NAV2: variants seen among roughly 807,000 people sequenced by gnomAD.
The protein encoded by NAV2 is helicase, APC down-regulated 1.
Under a neutral mutation model 223.2 loss-of-function variants are expected in NAV2, and 54 were observed. That is an observed-to-expected ratio of 0.24 (90% CI 0.19 to 0.30). The LOEUF (loss-of-function observed/expected upper bound fraction) is 0.30, where lower values mean the gene tolerates loss of function less well. Among genes scored for constraint, NAV2 ranks in the 10% least tolerant of loss-of-function variants. The pLI is 1.00. For synonymous variants in NAV2, 1,279 were observed against 1,239.3 expected (o/e 1.03, Z -0.67); for missense variants, 2,806 against 3,147.5 (o/e 0.89, Z 2.60).
At chr11:20,082,922 C>T (rs1391612366) in intron 25 of NAV2, 85 bp from the exon 26 acceptor site, 11 of 1,271,346 alleles carry the variant, frequency 8.7e-6, no homozygotes, top group East Asian at 7.3e-5. Context: ...GAGAATTAAT[C>T]GCTTTTTTGT....
At chr11:19,687,825 G>A (rs2049066341) in intron 1 of NAV2, among the ~76,000 whole-genome samples, 2 of 152,156 alleles carry the variant, frequency 1.3e-5, no homozygotes, top group South Asian at 4.1e-4. Flanking sequence ...CAGGAGGGAG[G>A]CCAGAGTGAC....
chr11:19,553,148 C>T (rs1429730826), intron 1 of NAV2, among the ~76,000 whole-genome samples: 1 of 152,186 alleles, frequency 6.6e-6, no homozygotes, highest in African/African-American at 2.4e-5. Flanking sequence ...CTCAGAAGGA[C>T]TCTTGGGAGG....
chr11:20,051,239 C>T (rs746201526), intron 16 of NAV2, 50 bp from the exon 17 acceptor site: 1 of 1,535,974 alleles, frequency 6.5e-7, no homozygotes, highest in East Asian at 2.2e-5. Flanking sequence ...CTCTCTCTGC[C>T]TTCTGTGTGC....
intron 1 of NAV2, among the ~76,000 whole-genome samples, chr11:19,534,321 G>A (rs1590435706): frequency 6.6e-6 from 1 of 152,188 alleles, no homozygotes; most frequent in Non-Finnish European, 1.5e-5. Context: ...TTTGTCCCCT[G>A]CTGTACCCAC....
intron 1 of NAV2, among the ~76,000 whole-genome samples, chr11:19,437,068 T>G (rs953216136): frequency 2.0e-5 from 3 of 152,174 alleles, no homozygotes; most frequent in African/African-American, 7.2e-5. Context: ...GCCTTTTCTT[T>G]CTTTTTCTTG....
intron 7 of NAV2, among the ~76,000 whole-genome samples, chr11:19,938,373 G>A (rs1468680733): frequency 2.0e-5 from 3 of 152,202 alleles, no homozygotes; most frequent in African/African-American, 7.2e-5. Flanking sequence ...GGGTGGCTCA[G>A]GGTGAGTGGG....
intron 1 of NAV2, among the ~76,000 whole-genome samples, chr11:19,589,122 C>T (rs554083337): frequency 3.0e-4 from 46 of 152,298 alleles, no homozygotes; most frequent in Admixed American, 5.9e-4. Flanking sequence ...CAGGTGAGCT[C>T]ACAGTCTAGA....
At chr11:19,989,519 G>A (rs996571114) in intron 11 of NAV2, among the ~76,000 whole-genome samples, 16 of 151,878 alleles carry the variant, frequency 1.1e-4, no homozygotes, top group African/African-American at 3.4e-4. Context: ...AATTTTTTTT[G>A]TTTTTAGCTA....
At chr11:20,069,280 G>C (rs988431186) in intron 22 of NAV2, among the ~76,000 whole-genome samples, 1 of 152,122 alleles carries the variant, frequency 6.6e-6, no homozygotes, top group African/African-American at 2.4e-5. Context: ...ACTCTCAGTA[G>C]GTGGGTGTAA....
chr11:19,569,091 T>G (rs888553262), intron 1 of NAV2, among the ~76,000 whole-genome samples: 10 of 152,244 alleles, frequency 6.6e-5, no homozygotes, highest in African/African-American at 2.2e-4. Context: ...GTAAATGATT[T>G]TTCTTCTTGT....
chr11:19,349,531 G>T (rs2702622), upstream of NAV2, among the ~76,000 whole-genome samples: 21 of 152,092 alleles, frequency 1.4e-4, no homozygotes, highest in Non-Finnish European at 2.5e-4. Context: ...GGATCTGGCC[G>T]CAGCTCTCCC....
intron 11 of NAV2, among the ~76,000 whole-genome samples, chr11:19,989,806 T>G (rs2051149800): frequency 6.6e-6 from 1 of 152,146 alleles, no homozygotes; most frequent in Non-Finnish European, 1.5e-5. Context: ...ACACACCTAA[T>G]GAGTGTCCAA....
chr11:19,858,512 G>A (rs1415629472), intron 3 of NAV2, among the ~76,000 whole-genome samples: 1 of 152,208 alleles, frequency 6.6e-6, no homozygotes, highest in African/African-American at 2.4e-5. Flanking sequence ...TGTGAATAGT[G>A]CTGCAGTGAA....
intron 11 of NAV2, among the ~76,000 whole-genome samples, chr11:20,005,460 G>T (rs2052978190): frequency 2.0e-5 from 3 of 151,492 alleles, no homozygotes; most frequent in South Asian, 2.1e-4. Context: ...TAGCCAAGCT[G>T]GTCTTCAACT....
intron 12 of NAV2, among the ~76,000 whole-genome samples, chr11:20,041,557 G>GCAC: frequency 6.6e-6 from 1 of 152,296 alleles, no homozygotes; most frequent in South Asian, 2.1e-4. Flanking sequence ...AGTAACCCAG[G>GCAC]ATGTGGCATG....
At chr11:20,098,278 G>C (rs779727424) in intron 31 of NAV2, among the ~76,000 whole-genome samples, 2 of 152,122 alleles carry the variant, frequency 1.3e-5, no homozygotes, top group African/African-American at 4.8e-5. Context: ...GAAAAAAAAA[G>C]CTTCACTGCC....
chr11:19,618,448 G>A (rs2046876089), intron 1 of NAV2, among the ~76,000 whole-genome samples: 1 of 151,176 alleles, frequency 6.6e-6, no homozygotes, highest in African/African-American at 2.4e-5. Flanking sequence ...ACGGATGGGT[G>A]GATGGATGGA....
At chr11:19,369,905 G>A (rs1848414507) in intron 1 of NAV2, among the ~76,000 whole-genome samples, 1 of 152,210 alleles carries the variant, frequency 6.6e-6, no homozygotes, top group African/African-American at 2.4e-5. Flanking sequence ...TTTGAATCAA[G>A]TGGCTCTAAG....
intron 1 of NAV2, among the ~76,000 whole-genome samples, chr11:19,455,217 A>G (rs1169023767): frequency 6.6e-6 from 1 of 151,778 alleles, no homozygotes; most frequent in Non-Finnish European, 1.5e-5. Flanking sequence ...GAAGACACCA[A>G]AAGAGTTTCA....
Sources: gnomAD v4.1 joint callset for allele counts (sites outside exome capture counted in the v4.1 genomes callset) on GRCh38, gnomAD v4.1.1 for gene constraint, MANE v1.5 for transcripts, NCBI Gene and HGNC (gene_info 2026-07-23, HGNC 2026-07-21) for gene names.